The following SPECC1 variants were observed in gnomAD, a reference collection of about 807,000 sequenced individuals.
SPECC1 encodes the protein sperm antigen with calponin homology and coiled-coil domains 1.
SPECC1 carries 62 observed loss-of-function variants against 104.1 expected under a neutral mutation model. That is an observed-to-expected ratio of 0.60 (90% CI 0.49 to 0.74). The LOEUF (loss-of-function observed/expected upper bound fraction) is 0.74. Ranked by LOEUF, SPECC1 falls within the 30% of genes least tolerant of loss-of-function variation. SPECC1 has a pLI of 0.00. For synonymous variants in SPECC1, 513 were observed against 501.6 expected (o/e 1.02, Z -0.30); for missense variants, 1,306 against 1,310.5 (o/e 1.00, Z 0.05).
chr17:20,170,698 T>A (rs1374511391), intron 3 of SPECC1, among the ~76,000 whole-genome samples: 2 of 148,904 alleles, frequency 1.3e-5, no homozygotes, highest in Non-Finnish European at 3.0e-5. Flanking sequence ...TAACTGTTGC[T>A]CTTTTACTTC....
intron 12 of SPECC1, among the ~76,000 whole-genome samples, chr17:20,273,683 C>T (rs996795074): frequency 1.3e-5 from 2 of 152,172 alleles, no homozygotes; most frequent in Admixed American, 6.5e-5. Context: ...ATTCCCCCAC[C>T]TGAAGCACCT....
intron 3 of SPECC1, among the ~76,000 whole-genome samples, chr17:20,147,636 G>A (rs1364440465): frequency 1.3e-5 from 2 of 152,220 alleles, no homozygotes; most frequent in African/African-American, 4.8e-5. Flanking sequence ...TTGAAACTGA[G>A]TTGAGAGGCA....
At chr17:20,041,003 C>T (rs2045302869) in intron 1 of SPECC1, among the ~76,000 whole-genome samples, 1 of 151,506 alleles carries the variant, frequency 6.6e-6, no homozygotes, top group Non-Finnish European at 1.5e-5. Flanking sequence ...CACTCCTTCC[C>T]TCCCTCCTTC....
At chr17:20,250,060 T>C (rs1654420150) in intron 9 of SPECC1, among the ~76,000 whole-genome samples, 1 of 152,140 alleles carries the variant, frequency 6.6e-6, no homozygotes, top group African/African-American at 2.4e-5. Context: ...AGAAAAAAGA[T>C]ACCTCAATGT....
chr17:20,112,990 A>G, intron 3 of SPECC1: 2 of 1,031,700 alleles, frequency 1.9e-6, no homozygotes, highest in East Asian at 4.7e-5. Context: ...GTGTTAGATG[A>G]GAATTTTAGG....
intron 12 of SPECC1, among the ~76,000 whole-genome samples, chr17:20,283,200 A>G (rs1447355876): frequency 6.6e-6 from 1 of 152,170 alleles, no homozygotes; most frequent in East Asian, 1.9e-4. Context: ...ACAAACAAAC[A>G]AAAAAGATTA....
chr17:20,097,218 TCTC>T (rs1455696046), intron 2 of SPECC1, among the ~76,000 whole-genome samples: 1 of 152,080 alleles, frequency 6.6e-6, no homozygotes, highest in Non-Finnish European at 1.5e-5. Flanking sequence ...GGGAGTGCGT[TCTC>T]CTCTGGTTTT....
chr17:20,046,865 G>A (rs1012583812), intron 1 of SPECC1, among the ~76,000 whole-genome samples: 8 of 139,962 alleles, frequency 5.7e-5, no homozygotes, highest in Non-Finnish European at 6.1e-5. Flanking sequence ...CGGAGGGCAC[G>A]TGGGGTGGGG....
intron 7 of SPECC1, chr17:20,237,320 T>G (rs562224309): frequency 0.01 from 11,007 of 1,079,148 alleles, 59 homozygotes; most frequent in Admixed American, 0.013. Flanking sequence ...GTTTTGTTTT[T>G]TTTTTTTTTT....
At chr17:20,251,241 A>AAAAAAAAAAAAAAAAAAAAAAAAC (rs1555638898) in intron 9 of SPECC1, among the ~76,000 whole-genome samples, 1 of 149,880 alleles carries the variant, frequency 6.7e-6, no homozygotes, top group Non-Finnish European at 1.5e-5. Flanking sequence ...AAAAAAAAAA[A>AAAAAAAAAAAAAAAAAAAAAAAAC]GCATATGGTC....
intron 12 of SPECC1, among the ~76,000 whole-genome samples, chr17:20,269,077 G>C (rs1257633374): frequency 6.6e-6 from 1 of 152,154 alleles, no homozygotes; most frequent in African/African-American, 2.4e-5. Context: ...CCAATTCCTT[G>C]GGAATTTTGG....
At chr17:20,073,319 T>A (rs560892413) in intron 1 of SPECC1, among the ~76,000 whole-genome samples, 42 of 152,292 alleles carry the variant, frequency 2.8e-4, no homozygotes, top group Non-Finnish European at 4.6e-4. Context: ...TTTTTGTTTT[T>A]AAATCTGTTT....
intron 1 of SPECC1, among the ~76,000 whole-genome samples, chr17:20,045,387 A>T (rs1196098995): frequency 6.6e-6 from 1 of 152,144 alleles, no homozygotes; most frequent in Non-Finnish European, 1.5e-5. Context: ...AGTAAATACC[A>T]TTTTGTGTGT....
At chr17:20,276,144 T>C (rs1355190495) in intron 12 of SPECC1, among the ~76,000 whole-genome samples, 1 of 152,136 alleles carries the variant, frequency 6.6e-6, no homozygotes, top group Non-Finnish European at 1.5e-5. Context: ...AGAGTTGGAG[T>C]CTTGCTCTGT....
intron 3 of SPECC1, among the ~76,000 whole-genome samples, chr17:20,124,909 G>A (rs183361832): frequency 1.3e-5 from 2 of 152,250 alleles, no homozygotes; most frequent in African/African-American, 2.4e-5. Context: ...GGCCAGGCGC[G>A]GTGGCTCATG....
intron 12 of SPECC1, among the ~76,000 whole-genome samples, chr17:20,262,696 G>A (rs2040071704): frequency 6.6e-6 from 1 of 152,100 alleles, no homozygotes; most frequent in Admixed American, 6.5e-5. Flanking sequence ...AGGGAGGTGG[G>A]GATGGAAAAT....
intron 3 of SPECC1, among the ~76,000 whole-genome samples, chr17:20,162,743 TG>T (rs2033279987): frequency 6.6e-6 from 1 of 152,156 alleles, no homozygotes; most frequent in Non-Finnish European, 1.5e-5. Context: ...AAAGTGAAGA[TG>T]TGGCTGGGTG....
intron 1 of SPECC1, among the ~76,000 whole-genome samples, chr17:20,047,058 A>T (rs1171388747): frequency 6.6e-6 from 1 of 152,200 alleles, no homozygotes; most frequent in African/African-American, 2.4e-5. Flanking sequence ...ATTTGAAGCT[A>T]TGAAGTTCCC....
At chr17:20,217,541 C>T (rs2037577179) in intron 4 of SPECC1, among the ~76,000 whole-genome samples, 1 of 152,146 alleles carries the variant, frequency 6.6e-6, no homozygotes, top group African/African-American at 2.4e-5. Context: ...ATTCCTGGCC[C>T]ACAGTTGTCC....
Sources: allele counts gnomAD v4.1 joint callset (sites outside exome capture counted in the v4.1 genomes callset), GRCh38; gene constraint gnomAD v4.1.1; transcripts MANE v1.5; gene names NCBI Gene and HGNC (gene_info 2026-07-23, HGNC 2026-07-21).